Variants in PKHD1 observed in about 807,000 individuals in gnomAD.
PKHD1 encodes the protein PKHD1 ciliary IPT domain containing fibrocystin/polyductin.
Under a neutral mutation model 412.0 loss-of-function variants are expected in PKHD1, and 291 were observed. That is an observed-to-expected ratio of 0.71 (90% confidence interval 0.64 to 0.78). PKHD1 has a LOEUF of 0.78. Ranked by LOEUF, PKHD1 falls within the 30% of genes least tolerant of loss-of-function variation. The probability of loss-of-function intolerance (pLI) is 0.00; values close to 1 mark genes in which losing one functional copy is unlikely to be tolerated. For missense variants in PKHD1, 4,825 were observed against 4,950.7 expected, an observed-to-expected ratio of 0.97 and a Z score of 0.76; for synonymous variants, 1,777 against 1,821.5, an observed-to-expected ratio of 0.98 and a Z score of 0.62.
At position 52,045,966 on chromosome 6, in the gene PKHD1, C is replaced by A. The variant is rs369607346; in HGVS notation, c.2592+38G>T. 1.6e-5 allele frequency: 22 copies of A among 1,393,618 alleles called. No homozygotes were observed. In the Middle Eastern group the frequency reaches 5.3e-4, roughly 34 times the overall value. The allele number at this position is 1,393,618 out of a possible 1,614,324, so 86.3% of individuals were successfully genotyped here. ...TTTTTTTTGCAGAATTTCTCCAGGG[C>A]AGCAAATCCATGCCACTAGAAGGGA... is the stretch of plus-strand genomic sequence containing the variant. On this transcript the variant is annotated intron_variant, in intron 24 of 66. Transcript: ENST00000371117.
In PKHD1 at chr6:52,064,980, A is replaced by C; in HGVS notation, c.951T>G (p.Asp317Glu). ...IECTTRAPGK[D>E]VRLTTPQPGN... ...CTGGCTGAGGGGTGGTGAGCCTCAC[A>C]TCTTTTCCTGGAGCCCGAGTGGTGC... The change falls in exon 13 of 67, where the codon GAT becomes GAG. Residue 317 changes from aspartate (D) to glutamate (E), a missense_variant. Transcript: ENST00000371117. 6.2e-7 allele frequency: 1 copy of C among 1,602,500 alleles called. No individual in the cohort carries two copies. Among genetic ancestry groups the C allele is most frequent in the Non-Finnish European group, 8.5e-7 (1 of 1,174,878 alleles).
chr6:51,922,586 GT>G (rs1160682741), intron 37 of PKHD1, among the ~76,000 whole-genome samples: 1 of 152,198 alleles, frequency 6.6e-6, no homozygotes, highest in African/African-American at 2.4e-5. Flanking sequence ...CTGAGCTGCG[GT>G]GGGCTCCACT....
intron 64 of PKHD1, among the ~76,000 whole-genome samples, chr6:51,635,446 T>C (rs1377481835): frequency 1.3e-5 from 2 of 152,166 alleles, no homozygotes; most frequent in Non-Finnish European, 2.9e-5. Context: ...TATTCACTTA[T>C]TCATAAACAA....
intron 60 of PKHD1, among the ~76,000 whole-genome samples, chr6:51,730,442 C>T (rs977552630): frequency 1.3e-5 from 2 of 152,096 alleles, no homozygotes; most frequent in African/African-American, 4.8e-5. Flanking sequence ...CTCAACGTTG[C>T]TATTTGAATG....
intron 60 of PKHD1, among the ~76,000 whole-genome samples, chr6:51,668,557 C>T (rs928611524): frequency 6.6e-6 from 1 of 152,102 alleles, no homozygotes; most frequent in Non-Finnish European, 1.5e-5. Context: ...TGCCTGATTG[C>T]CCTGGCCAGA....
At chr6:51,967,022 G>A (rs547072578) in intron 35 of PKHD1, among the ~76,000 whole-genome samples, 4 of 152,128 alleles carry the variant, frequency 2.6e-5, no homozygotes, top group Non-Finnish European at 5.9e-5. Flanking sequence ...GCTGCAGCCT[G>A]AAGGATCAGG....
intron 52 of PKHD1, among the ~76,000 whole-genome samples, chr6:51,817,944 GA>G (rs1246703331): frequency 1.3e-5 from 2 of 152,310 alleles, no homozygotes; most frequent in South Asian, 4.1e-4. Flanking sequence ...ACTGCTGCCT[GA>G]AAAATGCAGT....
intron 35 of PKHD1, among the ~76,000 whole-genome samples, chr6:52,004,750 C>G (rs1237063508): frequency 6.6e-6 from 1 of 152,152 alleles, no homozygotes; most frequent in Non-Finnish European, 1.5e-5. Flanking sequence ...TTTCTGAGGT[C>G]TCAACTCAAT....
chr6:51,796,714 T>A (rs1185200005), intron 52 of PKHD1, among the ~76,000 whole-genome samples: 1 of 152,170 alleles, frequency 6.6e-6, no homozygotes, highest in Non-Finnish European at 1.5e-5. Flanking sequence ...TCTCATGAGT[T>A]TCAAATAACT....
At chr6:51,896,153 G>T (rs1302059414) in intron 43 of PKHD1, among the ~76,000 whole-genome samples, 1 of 152,168 alleles carries the variant, frequency 6.6e-6, no homozygotes, top group Non-Finnish European at 1.5e-5. Flanking sequence ...GCTCGAACTG[G>T]GTGGAGCCCA....
intron 60 of PKHD1, among the ~76,000 whole-genome samples, chr6:51,694,463 A>G (rs1246052280): frequency 6.7e-6 from 1 of 150,040 alleles, no homozygotes; most frequent in Admixed American, 6.7e-5. Flanking sequence ...GGCTCACTGC[A>G]ACCTCTCCCT....
chr6:52,007,428 C>T (rs184399439), intron 35 of PKHD1, among the ~76,000 whole-genome samples: 13 of 152,342 alleles, frequency 8.5e-5, no homozygotes, highest in African/African-American at 1.4e-4. Context: ...GTCTTCCCCA[C>T]GCCCAGATAA....
chr6:51,687,419 A>C (rs2150600963), intron 60 of PKHD1, among the ~76,000 whole-genome samples: 1 of 152,346 alleles, frequency 6.6e-6, no homozygotes, highest in South Asian at 2.1e-4. Flanking sequence ...AAATGTTGAC[A>C]ACATGAAAGA....
At chr6:52,037,053 G>A (rs554151410) in intron 27 of PKHD1, among the ~76,000 whole-genome samples, 1 of 152,030 alleles carries the variant, frequency 6.6e-6, no homozygotes, top group African/African-American at 2.4e-5. Flanking sequence ...TCAACTATGT[G>A]GTAAAATAAA....
chr6:52,075,461 G>C (rs2128236105), intron 6 of PKHD1, among the ~76,000 whole-genome samples: 1 of 152,270 alleles, frequency 6.6e-6, no homozygotes, highest in Non-Finnish European at 1.5e-5. Context: ...GTAGGAATTT[G>C]GCAGGAATCA....
chr6:51,772,032 CCAT>C (rs2151133485), intron 55 of PKHD1, among the ~76,000 whole-genome samples: 1 of 152,076 alleles, frequency 6.6e-6, no homozygotes, highest in Admixed American at 6.6e-5. Context: ...GTAACTATTC[CCAT>C]ATTTTCTATG....
intron 32 of PKHD1, 79 bp from the exon 33 acceptor site, chr6:52,023,023 C>T: frequency 6.7e-7 from 1 of 1,502,488 alleles, no homozygotes; most frequent in Non-Finnish European, 9.2e-7. Context: ...CAAACATTTG[C>T]TTCCTCACTA....
chr6:51,979,844 T>C (rs1794919366), intron 35 of PKHD1, among the ~76,000 whole-genome samples: 1 of 152,180 alleles, frequency 6.6e-6, no homozygotes, highest in African/African-American at 2.4e-5. Context: ...CACGTGTTTT[T>C]TCTCTCCTGA....
intron 60 of PKHD1, among the ~76,000 whole-genome samples, chr6:51,671,870 G>A (rs148571585): frequency 0.019 from 2,917 of 152,178 alleles, 112 homozygotes; most frequent in African/African-American, 0.067. Context: ...GGGGGTCAGG[G>A]GTCAGGGACC....
Sources: gnomAD v4.1 joint callset for allele counts (sites outside exome capture counted in the v4.1 genomes callset) on GRCh38, gnomAD v4.1.1 for gene constraint, MANE v1.5 for transcripts, NCBI Gene and HGNC (gene_info 2026-07-23, HGNC 2026-07-21) for gene names.